C1orf21: variants seen among roughly 807,000 people sequenced by gnomAD.
C1orf21 encodes the protein uncharacterized protein C1orf21.
In C1orf21, 3 loss-of-function variants were observed where a neutral mutation model predicts 18.7. That is an observed-to-expected ratio of 0.16 (90% CI 0.07 to 0.42). The LOEUF is 0.42. C1orf21 is among the 10% of genes least tolerant of loss of function. C1orf21 has a pLI of 0.99. For synonymous variants in C1orf21, 41 were observed against 46.4 expected (o/e 0.88, Z 0.47); for missense variants, 104 against 143.6 (o/e 0.72, Z 1.41).
chr1:184,395,427 G>A (rs551293998), intron 1 of C1orf21, among the ~76,000 whole-genome samples: 1 of 152,038 alleles, frequency 6.6e-6, no homozygotes, highest in Non-Finnish European at 1.5e-5. Context: ...TTGTTGGCCA[G>A]GGTTAAGGGA....
intron 3 of C1orf21, among the ~76,000 whole-genome samples, chr1:184,535,697 T>G (rs1265299943): frequency 6.6e-6 from 1 of 152,230 alleles, no homozygotes; most frequent in East Asian, 1.9e-4. Context: ...GGATGTGTGC[T>G]TATTAAAGCT....
At chr1:184,420,542 C>CT (rs1420584296) in intron 1 of C1orf21, among the ~76,000 whole-genome samples, 3 of 152,084 alleles carry the variant, frequency 2.0e-5, no homozygotes, top group Admixed American at 1.3e-4. Context: ...GCTAAGGTGT[C>CT]TAATTTTAGA....
chr1:184,611,109 A>T lies in C1orf21; in HGVS notation c.328-8409A>T, dbSNP rs555347059. Among the ~76,000 whole-genome samples, 8 of 152,300 alleles carry T rather than the reference A, an allele frequency of 5.3e-5. No individual in the cohort carries two copies. The East Asian group carries it at 1.4e-3, about 26-fold the overall frequency. On this transcript the variant is annotated intron_variant, in intron 5 of 5. Coordinates refer to ENST00000235307, the MANE Select transcript of C1orf21 (RefSeq NM_030806.4). ...AACGAGACCTTTTTCCAGCTGAAAC[A>T]ATAACACGTGAGTCTAATTAGAATA... is the stretch of plus-strand genomic sequence containing the variant.
intron 3 of C1orf21, among the ~76,000 whole-genome samples, chr1:184,534,361 A>T (rs1296687641): frequency 6.6e-6 from 1 of 152,226 alleles, no homozygotes. Context: ...CATTTTGTAC[A>T]TGTAAATTGC....
intron 5 of C1orf21, among the ~76,000 whole-genome samples, chr1:184,605,791 C>A (rs1425868342): frequency 6.6e-6 from 1 of 152,194 alleles, no homozygotes; most frequent in Non-Finnish European, 1.5e-5. Flanking sequence ...AGAAAATACA[C>A]AGAGTCTCCA....
chr1:184,565,392 G>A (rs1236377511), intron 3 of C1orf21, among the ~76,000 whole-genome samples: 1 of 152,220 alleles, frequency 6.6e-6, no homozygotes, highest in Admixed American at 6.5e-5. Context: ...GGCTCTAAGA[G>A]TTTAAGTTAC....
At position 184,627,931 on chromosome 1, in the gene C1orf21, A is replaced by G. The variant is rs41263684; in HGVS notation, c.*8375A>G. The G allele has an allele frequency of 0.1, 15,734 of 152,332 alleles. 970 individuals carry two copies. The highest frequency in any genetic ancestry group is 0.16 in the Middle Eastern group (47 of 294). 9.4% of individuals were successfully genotyped at this position (152,332 alleles called of 1,614,324 possible). ...ACTCACCTCCACCTCATTGCCAGGAAGGGATCAAAATGCCTCCATGCCAGT... is the reference window on the plus strand; with the variant it reads ...ACTCACCTCCACCTCATTGCCAGGAGGGGATCAAAATGCCTCCATGCCAGT... On this transcript the variant is annotated 3_prime_UTR_variant, in exon 6 of 6. Transcript: ENST00000235307.
At chr1:184,458,052 T>C (rs12121612) in intron 1 of C1orf21, among the ~76,000 whole-genome samples, 56,368 of 151,918 alleles carry the variant, frequency 0.37, 12,218 homozygotes, top group African/African-American at 0.61. Flanking sequence ...ATTAACTTTC[T>C]CTGGGTCTCA....
At chr1:184,456,660 C>T (rs1657203113) in intron 1 of C1orf21, among the ~76,000 whole-genome samples, 1 of 152,116 alleles carries the variant, frequency 6.6e-6, no homozygotes, top group Non-Finnish European at 1.5e-5. Flanking sequence ...TGATATTTTT[C>T]ATGTTAACTT....
intron 4 of C1orf21, among the ~76,000 whole-genome samples, chr1:184,593,662 G>A (rs1003524981): frequency 1.3e-5 from 2 of 152,100 alleles, no homozygotes; most frequent in Non-Finnish European, 2.9e-5. Flanking sequence ...AATGAAATAG[G>A]GTATACCCAC....
rs557255114 is a variant in C1orf21, at chr1:184,552,567, A to C, written c.190-38172A>C. Among the ~76,000 whole-genome samples, 289 of 152,334 alleles carry C rather than the reference A, an allele frequency of 1.9e-3. 4 individuals are homozygous for C. The highest frequency in any genetic ancestry group is 1.4e-3 in the Non-Finnish European group (92 of 68,028). On this transcript the variant is annotated intron_variant, in intron 3 of 5. Transcript: ENST00000235307. ...ATAATTATTTTCCTAGGAAGAGGGA[A>C]ATCAAAGAGATGTACAAAGATGGTT...
At chr1:184,565,549 CTA>C (rs1388241808) in intron 3 of C1orf21, among the ~76,000 whole-genome samples, 2 of 152,216 alleles carry the variant, frequency 1.3e-5, no homozygotes, top group African/African-American at 2.4e-5. Context: ...ATTCCAGTTC[CTA>C]TGATTGCTTT....
At chr1:184,449,874 C>G (rs563818817) in intron 1 of C1orf21, among the ~76,000 whole-genome samples, 2 of 152,272 alleles carry the variant, frequency 1.3e-5, no homozygotes, top group East Asian at 3.9e-4. Context: ...AACACCACGC[C>G]AGGTTCAGGG....
At chr1:184,558,223 C>T (rs1164693597) in intron 3 of C1orf21, among the ~76,000 whole-genome samples, 1 of 152,164 alleles carries the variant, frequency 6.6e-6, no homozygotes, top group Non-Finnish European at 1.5e-5. Flanking sequence ...TACCAGCAGC[C>T]TCTTCACATC....
intron 3 of C1orf21, among the ~76,000 whole-genome samples, chr1:184,561,915 G>A (rs761036507): frequency 6.6e-6 from 1 of 152,106 alleles, no homozygotes; most frequent in Non-Finnish European, 1.5e-5. Flanking sequence ...TTAAAAACAT[G>A]TTCCTTTGGG....
In C1orf21 at chr1:184,422,471, A is replaced by G. The variant is rs75313405; in HGVS notation, c.-125+35103A>G. ...GGAGCTATTATTATTCTCATTTTACAGGTGGAGAACTGAGGTGTAGAAAGG... is the reference window on the plus strand; with the variant it reads ...GGAGCTATTATTATTCTCATTTTACGGGTGGAGAACTGAGGTGTAGAAAGG... On this transcript the variant is annotated intron_variant, in intron 1 of 5. Coordinates refer to ENST00000235307, the MANE Select transcript of C1orf21 (RefSeq NM_030806.4). Among the ~76,000 whole-genome samples, 126 of 152,332 alleles carry G rather than the reference A, an allele frequency of 8.3e-4. 2 individuals carry two copies. The East Asian group carries it at 0.02, about 25-fold the overall frequency.
chr1:184,423,459 G>T (rs1329119411), intron 1 of C1orf21, among the ~76,000 whole-genome samples: 1 of 152,170 alleles, frequency 6.6e-6, no homozygotes. Flanking sequence ...GGCCTTAACT[G>T]AATAGGCAAT....
intron 5 of C1orf21, among the ~76,000 whole-genome samples, chr1:184,607,704 T>TAC (rs200298609): frequency 1.3e-5 from 2 of 148,156 alleles, no homozygotes; most frequent in Admixed American, 6.8e-5. Flanking sequence ...TGTATATATA[T>TAC]ACACATATAT....
In C1orf21 at chr1:184,514,905, A is replaced by G. The variant is rs141975643; in HGVS notation, c.189+7223A>G. 2.7e-3 allele frequency among the ~76,000 whole-genome samples: 414 copies of G among 152,272 alleles called. 1 individual carries two copies. The highest frequency in any genetic ancestry group is 4.8e-3 in the Non-Finnish European group (329 of 68,004). ...AAACAAAATAAAACAGCAACACTGT[A>G]TTTTCTGTGGGTATCCATATATGTA... On this transcript the variant is annotated intron_variant, in intron 3 of 5. Coordinates refer to ENST00000235307, the MANE Select transcript of C1orf21 (RefSeq NM_030806.4).
Sources: gnomAD v4.1 joint callset for allele counts (sites outside exome capture counted in the v4.1 genomes callset) on GRCh38, gnomAD v4.1.1 for gene constraint, MANE v1.5 for transcripts, NCBI Gene and HGNC (gene_info 2026-07-23, HGNC 2026-07-21) for gene names.